The following MBP variants were observed in gnomAD, a reference collection of about 807,000 sequenced individuals.
The protein encoded by MBP is myelin basic protein, also known as Golli-MBP.
Under a neutral mutation model 35.8 loss-of-function variants are expected in MBP, and 16 were observed. The observed-to-expected ratio is 0.45, with a 90% CI of 0.30 to 0.68. The LOEUF (loss-of-function observed/expected upper bound fraction) is 0.68. MBP is among the 30% of genes least tolerant of loss of function. MBP has a pLI of 0.08. For missense variants in MBP, 380 were observed against 404.7 expected (o/e 0.94, Z 0.52); for synonymous variants, 143 against 159.6 (o/e 0.90, Z 0.78).
intron 4 of MBP, chr18:77,015,156 T>A (rs566407471): frequency 2.6e-5 from 26 of 984,808 alleles, no homozygotes; most frequent in Admixed American, 1.2e-4. Context: ...ATGATTGATA[T>A]CAATGCTTTC....
chr18:77,058,744 G>A (rs1428198625), intron 3 of MBP, among the ~76,000 whole-genome samples: 2 of 152,278 alleles, frequency 1.3e-5, no homozygotes, highest in African/African-American at 4.8e-5. Context: ...AGGGAGGAAA[G>A]TCGCAGGGGA....
Position 77,118,592 on chromosome 18 carries a change from A to C in MBP, c.-25-13306T>G, listed in dbSNP as rs541994802. On this transcript the variant is annotated intron_variant, in intron 1 of 8. Transcript: ENST00000355994. ...AACACACAGGCCACCCGCCCCACCC[A>C]CACACACACTCCACAGACACCACAC... 3.8e-3 allele frequency among the ~76,000 whole-genome samples: 566 copies of C among 149,324 alleles called. 2 individuals carry two copies. Among genetic ancestry groups the C allele is most frequent in the African/African-American group, 0.013 (536 of 40,584 alleles).
Position 76,979,969 on chromosome 18 carries a change from A to AG in MBP, c.*457_*458insC. On this transcript the variant is annotated 3_prime_UTR_variant, in exon 9 of 9. Coordinates refer to ENST00000355994, the MANE Select transcript of MBP (RefSeq NM_001025101.2). ...AGGTGAGAGAAGGACAGGAAAAAAA[A>AG]ACAAAGGAAGCTTGGATGTCAACAG... 1 of 702,570 alleles carries AG rather than the reference A, an allele frequency of 1.4e-6. No homozygotes were observed. Among genetic ancestry groups the AG allele is most frequent in the East Asian group, 2.7e-5 (1 of 37,276 alleles). The allele number at this position is 702,570 out of a possible 1,614,324, so 43.5% of individuals were successfully genotyped here. A position where few individuals can be genotyped will look rare whatever the true frequency, so the allele number is the denominator to read the frequency against.
chr18:77,114,534 T>A (rs900869805), intron 1 of MBP: 4 of 152,238 alleles, frequency 2.6e-5, no homozygotes, highest in Non-Finnish European at 5.9e-5. Flanking sequence ...ACAGGCATGG[T>A]GTTCAGCTTT....
chr18:76,986,424 G>A (rs1969561830), intron 7 of MBP: 1 of 985,426 alleles, frequency 1.0e-6, no homozygotes, highest in African/African-American at 1.7e-5. Flanking sequence ...AAGGCTTCCA[G>A]AGCACCTGGC....
chr18:76,997,595 A>G (rs1367079501), intron 4 of MBP, among the ~76,000 whole-genome samples: 1 of 152,258 alleles, frequency 6.6e-6, no homozygotes, highest in East Asian at 1.9e-4. Context: ...GCACGGGAAG[A>G]AAAGCCCAGG....
intron 2 of MBP, among the ~76,000 whole-genome samples, chr18:77,079,720 T>C (rs1974814740): frequency 6.6e-6 from 1 of 152,240 alleles, no homozygotes; most frequent in South Asian, 2.1e-4. Context: ...TCTTTATCTC[T>C]CAAAGGTAAA....
chr18:77,066,653 G>A (rs1974211933), intron 2 of MBP: 7 of 664,590 alleles, frequency 1.1e-5, no homozygotes, highest in Non-Finnish European at 2.0e-5. Flanking sequence ...ATCAGCCTAG[G>A]TAAAATAAAT....
chr18:77,008,926 C>A (rs954146387), intron 4 of MBP, among the ~76,000 whole-genome samples: 2 of 152,220 alleles, frequency 1.3e-5, no homozygotes, highest in African/African-American at 2.4e-5. Flanking sequence ...TCCCCCCTTG[C>A]CGGCCTCTGA....
intron 1 of MBP, among the ~76,000 whole-genome samples, chr18:77,126,959 C>T (rs1217422243): frequency 1.3e-5 from 2 of 152,222 alleles, no homozygotes; most frequent in Non-Finnish European, 2.9e-5. Context: ...ACTATTAATT[C>T]TCCCTAATCT....
At chr18:76,980,500 G>C (rs751156656) in intron 8 of MBP, 29 bp from the exon 9 acceptor site, 2 of 1,592,688 alleles carry the variant, frequency 1.3e-6, no homozygotes, top group Admixed American at 3.3e-5. Context: ...GAGTTAGGAC[G>C]AGAGTGCCGC....
intron 4 of MBP, chr18:77,010,109 A>G: frequency 3.3e-6 from 2 of 600,398 alleles, no homozygotes; most frequent in East Asian, 2.8e-5. Context: ...ATGATGGATG[A>G]TGGAAGGAAG....
In MBP at chr18:77,020,824, C is replaced by A. The variant is rs1971959071; in HGVS notation, c.140-3556G>T. ...TGGAAACCCGCATTCCCAGACCACA[C>A]CCCGGGACCTAGCTCACCACAGGCC... On this transcript the variant is annotated intron_variant, in intron 3 of 8. Transcript: ENST00000355994. The surrounding 1 kb of genome is among the most constrained non-coding windows in gnomAD (Gnocchi z 4.1). Among the ~76,000 whole-genome samples, 1 of 152,226 alleles carries A rather than the reference C, an allele frequency of 6.6e-6. No individual in the cohort carries two copies. The highest frequency in any genetic ancestry group is 1.5e-5 in the Non-Finnish European group (1 of 68,040).
intron 3 of MBP, among the ~76,000 whole-genome samples, chr18:77,036,978 G>C (rs373832938): frequency 6.1e-5 from 3 of 48,916 alleles, no homozygotes; most frequent in East Asian, 6.4e-4. Context: ...GCAAGTGCTG[G>C]TCACGTTTTG....
At position 77,131,099 on chromosome 18, in the gene MBP, A is replaced by G. The variant is rs77864430; in HGVS notation, c.-26+1481T>C. On this transcript the variant is annotated intron_variant, in intron 1 of 8. Transcript: ENST00000355994. This position sits in a 1 kb window ranked among gnomAD's most constrained non-coding sequence, Gnocchi z 5.5. ...CGCACGCACGCGCACACACACACAC[A>G]CACACACACACACACACACACCCCC... 7.0e-6 allele frequency among the ~76,000 whole-genome samples: 1 copy of G among 143,088 alleles called. No individual in the cohort carries two copies. The highest frequency in any genetic ancestry group is 2.0e-4 in the East Asian group (1 of 4,988). The allele number at this position is 143,088 out of a possible 152,430, so 93.9% of individuals were successfully genotyped here.
chr18:77,029,283 C>T (rs982345965), intron 3 of MBP, among the ~76,000 whole-genome samples: 17 of 149,760 alleles, frequency 1.1e-4, no homozygotes, highest in African/African-American at 2.9e-4. Context: ...TGGCGGCGCG[C>T]GCCTGCAATC....
intron 3 of MBP, among the ~76,000 whole-genome samples, chr18:77,021,482 C>CTTT (rs140602815): frequency 4.1e-5 from 5 of 122,174 alleles, no homozygotes; most frequent in East Asian, 2.4e-4. Context: ...GAAGATGCAC[C>CTTT]TTTTTTTTTT....
At chr18:77,010,468 CTT>C (rs1437111735) in intron 4 of MBP, among the ~76,000 whole-genome samples, 1 of 152,190 alleles carries the variant, frequency 6.6e-6, no homozygotes, top group Non-Finnish European at 1.5e-5. Flanking sequence ...CAGGTTGAAA[CTT>C]TTTCTGCTCT....
chr18:77,129,758 G>A (rs1977969), intron 1 of MBP, among the ~76,000 whole-genome samples: 334 of 152,210 alleles, frequency 2.2e-3, no homozygotes, highest in African/African-American at 7.2e-3. Flanking sequence ...GGCCAGGCGC[G>A]GTGGCTCATG....
Sources: gnomAD v4.1 joint callset for allele counts (sites outside exome capture counted in the v4.1 genomes callset) on GRCh38, gnomAD v4.1.1 for gene constraint, Gnocchi (gnomAD v3.1) non-coding constraint, MANE v1.5 for transcripts, NCBI Gene and HGNC (gene_info 2026-07-23, HGNC 2026-07-21) for gene names.